Variants in RUBCN observed in about 807,000 individuals in gnomAD.
The protein encoded by RUBCN is rubicon autophagy regulator, also known as run domain Beclin-1-interacting and cysteine-rich domain-containing protein.
Under a neutral mutation model 113.2 loss-of-function variants are expected in RUBCN, and 74 were observed. That is an observed-to-expected ratio of 0.65 (90% CI 0.54 to 0.79). The LOEUF (loss-of-function observed/expected upper bound fraction) is 0.79, where lower values mean the gene tolerates loss of function less well. RUBCN is among the 30% of genes least tolerant of loss of function. RUBCN has a pLI of 0.00. For missense variants in RUBCN, 1,109 were observed against 1,251.7 expected (o/e 0.89, Z 1.72); for synonymous variants, 480 against 490.0 (o/e 0.98, Z 0.27).
At chr3:197,725,125 C>T (rs961871272) in intron 1 of RUBCN, among the ~76,000 whole-genome samples, 6 of 152,108 alleles carry the variant, frequency 3.9e-5, no homozygotes, top group African/African-American at 1.4e-4. Context: ...TCAAGGGCTT[C>T]GAAGTTGGAA....
At chr3:197,706,539 C>T (rs1724318795) in intron 2 of RUBCN, among the ~76,000 whole-genome samples, 1 of 151,860 alleles carries the variant, frequency 6.6e-6, no homozygotes, top group Non-Finnish European at 1.5e-5. Context: ...AAAAAGTTAG[C>T]CAGGTGTGGT....
chr3:197,683,045 C>T lies in RUBCN; in HGVS notation c.1980+262G>A, dbSNP rs536269084. On this transcript the variant is annotated intron_variant, in intron 13 of 19. Transcript: ENST00000296343. This position sits in a 1 kb window ranked among gnomAD's most constrained non-coding sequence, Gnocchi z 4.6. ...GCGATTTACTTTTGCGTAGTGTCTC[C>T]GAGGTGGTCACAAACCAAACATGAC... 1.4e-3 allele frequency among the ~76,000 whole-genome samples: 209 copies of T among 152,298 alleles called. No homozygotes were observed. Among genetic ancestry groups the T allele is most frequent in the African/African-American group, 4.5e-3 (189 of 41,566 alleles).
chr3:197,749,252 T>G (rs1728897601), intron 1 of RUBCN: 1 of 1,031,698 alleles, frequency 9.7e-7, no homozygotes, highest in Non-Finnish European at 1.2e-6. Flanking sequence ...TGCAGCTACA[T>G]CAACAGAGGT....
chr3:197,713,848 G>A (rs1275691028), intron 2 of RUBCN, among the ~76,000 whole-genome samples: 1 of 152,028 alleles, frequency 6.6e-6, no homozygotes, highest in Admixed American at 6.6e-5. Context: ...GCTGAGGTGG[G>A]CGAATCATGA....
Position 197,681,157 on chromosome 3 carries a change from C to A in RUBCN, c.2402G>T (p.Arg801Met), listed in dbSNP as rs371772303. ...GACTTGATTGAGCAGCTTGACCTTC[C>A]TATAGAGGGCACTGTTTATGTCCTG... ...NVQDINSALY[R>M]KVKLLNQVRL... Residue 801 changes from arginine to methionine, a missense_variant, in exon 16 of 20, where the codon AGG becomes ATG. Coordinates refer to ENST00000296343, the MANE Select transcript of RUBCN (RefSeq NM_014687.4). The surrounding 1 kb of genome is among the most constrained non-coding windows in gnomAD (Gnocchi z 5.5). 1.1e-5 allele frequency: 18 copies of A among 1,613,726 alleles called. No homozygotes were observed. The African/African-American group carries it at 2.4e-4, about 22-fold the overall frequency.
At chr3:197,749,364 GTTAGCATTTACT>G in exon 1 of RUBCN, 2 of 1,172,492 alleles carry the variant, frequency 1.7e-6, no homozygotes, top group African/African-American at 1.6e-5. Context: ...CACGGGAAAC[GTTAGCATTTACT>G]TTGGAGTTAA....
intron 17 of RUBCN, 67 bp from the exon 18 acceptor site, chr3:197,677,105 T>C: frequency 1.3e-6 from 2 of 1,521,530 alleles, no homozygotes; most frequent in Non-Finnish European, 9.1e-7. Flanking sequence ...AGTAGAAGGA[T>C]CCCTATCCAG....
intron 1 of RUBCN, among the ~76,000 whole-genome samples, chr3:197,720,296 T>C (rs1437080841): frequency 3.3e-5 from 5 of 152,200 alleles, no homozygotes; most frequent in African/African-American, 4.8e-5. Flanking sequence ...CTTATTGCCC[T>C]TAAGGTAACA....
chr3:197,708,261 G>A lies in RUBCN; in HGVS notation c.220-3086C>T, dbSNP rs557402884. Among the ~76,000 whole-genome samples the A allele has an allele frequency of 1.8e-4, 27 of 151,730 alleles. No homozygotes were observed. The East Asian group carries it at 5.1e-3, about 28-fold the overall frequency. Reference sequence around the variant, plus strand: ...AGCGATTCTCCTGCCTCAGCCTCCCGAGTCGCGGGGATTACAGGTGTCTGC... The same window carrying A: ...AGCGATTCTCCTGCCTCAGCCTCCCAAGTCGCGGGGATTACAGGTGTCTGC... On this transcript the variant is annotated intron_variant, in intron 2 of 19. Coordinates refer to ENST00000296343, the MANE Select transcript of RUBCN (RefSeq NM_014687.4).
chr3:197,719,435 G>A (rs1250150273), intron 1 of RUBCN, among the ~76,000 whole-genome samples: 1 of 142,266 alleles, frequency 7.0e-6, no homozygotes, highest in Non-Finnish European at 1.5e-5. Context: ...CTGAGATCAT[G>A]CCATTGCACT....
chr3:197,728,281 C>A (rs1057133838), intron 1 of RUBCN, among the ~76,000 whole-genome samples: 1 of 152,210 alleles, frequency 6.6e-6, no homozygotes, highest in African/African-American at 2.4e-5. Flanking sequence ...GGCTTAGAGT[C>A]CTTGCAGTCC....
At chr3:197,688,691 T>C (rs1722111329) in intron 11 of RUBCN, among the ~76,000 whole-genome samples, 1 of 152,152 alleles carries the variant, frequency 6.6e-6, no homozygotes, top group Admixed American at 6.5e-5. Context: ...CCAAAGAAGC[T>C]GAAAAGACTG....
At chr3:197,692,313 T>C (rs1722513055) in intron 11 of RUBCN, among the ~76,000 whole-genome samples, 1 of 152,086 alleles carries the variant, frequency 6.6e-6, no homozygotes, top group Admixed American at 6.5e-5. Context: ...CCTGTGCTCG[T>C]GATCTCTTCC....
chr3:197,708,873 A>C (rs921559448), intron 2 of RUBCN, among the ~76,000 whole-genome samples: 2 of 152,212 alleles, frequency 1.3e-5, no homozygotes, highest in Non-Finnish European at 2.9e-5. Flanking sequence ...CACTATAAAG[A>C]GTTGATACTG....
intron 1 of RUBCN, among the ~76,000 whole-genome samples, chr3:197,724,929 C>T (rs541092175): frequency 6.6e-6 from 1 of 152,210 alleles, no homozygotes; most frequent in Non-Finnish European, 1.5e-5. Flanking sequence ...CCTGTAACCC[C>T]AGCACTTTGG....
At chr3:197,720,268 C>T (rs775827625) in intron 1 of RUBCN, among the ~76,000 whole-genome samples, 3 of 152,232 alleles carry the variant, frequency 2.0e-5, no homozygotes, top group Non-Finnish European at 4.4e-5. Flanking sequence ...CATGTGACAG[C>T]TGTCTTTCTG....
In RUBCN at chr3:197,675,296, G is replaced by C; in HGVS notation, c.2741-100C>G. 6.5e-7 allele frequency: 1 copy of C among 1,535,534 alleles called. No homozygotes were observed. The highest frequency in any genetic ancestry group is 9.0e-7 in the Non-Finnish European group (1 of 1,110,074). On this transcript the variant is annotated intron_variant, in intron 19 of 19. Transcript: ENST00000296343. This position sits in a 1 kb window ranked among gnomAD's most constrained non-coding sequence, Gnocchi z 4.4. ...CAGCCCCTTCTCGCCACCAAGGCGT[G>C]GTGTCCCCTGGGGAGGCCCCGCGAG...
rs984478927 is a variant in RUBCN, at chr3:197,677,077, G to C, written c.2493-39C>G. 1.9e-6 allele frequency: 3 copies of C among 1,586,084 alleles called. No homozygotes were observed. In the African/African-American group the frequency reaches 4.0e-5, roughly 21 times the overall value. ...CAGGAGGCAGGTGAGGGAATGAACA[G>C]TGCATGTGCCACATCGTAGTAGAAG... On this transcript the variant is annotated intron_variant, in intron 17 of 19. Transcript: ENST00000296343.
At chr3:197,677,634 T>C (rs546686707) in intron 16 of RUBCN, 93 bp from the exon 17 acceptor site, 71 of 1,156,510 alleles carry the variant, frequency 6.1e-5, no homozygotes, top group Non-Finnish European at 9.0e-5. Context: ...CCTGGGGTTC[T>C]AGAAGCCTTG....
Sources: allele counts gnomAD v4.1 joint callset (sites outside exome capture counted in the v4.1 genomes callset), GRCh38; gene constraint gnomAD v4.1.1; non-coding constraint Gnocchi (gnomAD v3.1); transcripts MANE v1.5; gene names NCBI Gene and HGNC (gene_info 2026-07-23, HGNC 2026-07-21).